CCDC85A: variants seen among roughly 807,000 people sequenced by gnomAD.
CCDC85A encodes the protein coiled-coil domain-containing protein 85A.
In CCDC85A, 38 loss-of-function variants were observed where a neutral mutation model predicts 50.2. That is an observed-to-expected ratio of 0.76 (90% CI 0.58 to 0.99). CCDC85A has a LOEUF of 0.99. Ranked by LOEUF, CCDC85A falls within the 50% of genes least tolerant of loss-of-function variation. The pLI is 0.00. For synonymous variants in CCDC85A, 366 were observed against 301.4 expected, an observed-to-expected ratio of 1.21 and a Z score of -2.22; for missense variants, 820 against 742.0, an observed-to-expected ratio of 1.11 and a Z score of -1.22.
chr2:56,383,523 T>A (rs1676690028), intron 5 of CCDC85A: 1 of 921,722 alleles, frequency 1.1e-6, no homozygotes, highest in Non-Finnish European at 1.3e-6. Context: ...TCCCTCTATG[T>A]GGCCCAGCTT....
chr2:56,255,911 A>G (rs1433780138), intron 2 of CCDC85A, among the ~76,000 whole-genome samples: 1 of 152,172 alleles, frequency 6.6e-6, no homozygotes, highest in Non-Finnish European at 1.5e-5. Flanking sequence ...GGTAACAAGG[A>G]GTCACATTTC....
intron 2 of CCDC85A, among the ~76,000 whole-genome samples, chr2:56,229,354 T>G (rs1365581785): frequency 6.6e-6 from 1 of 152,206 alleles, no homozygotes; most frequent in Non-Finnish European, 1.5e-5. Flanking sequence ...TTTTTGGACA[T>G]GTGTGATGTT....
intron 3 of CCDC85A, among the ~76,000 whole-genome samples, chr2:56,367,648 A>C (rs1306985961): frequency 1.3e-5 from 2 of 152,200 alleles, no homozygotes; most frequent in Non-Finnish European, 2.9e-5. Context: ...AGTTTTGACA[A>C]GTAAAAATGT....
At chr2:56,352,494 C>G (rs1013008566) in intron 3 of CCDC85A, among the ~76,000 whole-genome samples, 1 of 152,010 alleles carries the variant, frequency 6.6e-6, no homozygotes, top group African/African-American at 2.4e-5. Flanking sequence ...TACAGGCACG[C>G]GCCACCACGC....
intron 2 of CCDC85A, among the ~76,000 whole-genome samples, chr2:56,199,821 A>T (rs536822210): frequency 6.6e-6 from 1 of 152,346 alleles, no homozygotes; most frequent in Admixed American, 6.5e-5. Context: ...TTCAGTGCAT[A>T]GTCCATATGC....
chr2:56,365,659 A>G (rs760097853), intron 3 of CCDC85A, among the ~76,000 whole-genome samples: 41 of 152,316 alleles, frequency 2.7e-4, no homozygotes, highest in Middle Eastern at 3.4e-3. Flanking sequence ...ATAAAATTAC[A>G]TCTTTACTGT....
At chr2:56,370,197 C>A (rs1676002819) in intron 3 of CCDC85A, among the ~76,000 whole-genome samples, 1 of 152,102 alleles carries the variant, frequency 6.6e-6, no homozygotes, top group Admixed American at 6.5e-5. Context: ...CCATTTTGAG[C>A]CCCCAAGTTG....
At chr2:56,251,962 C>G (rs147112823) in intron 2 of CCDC85A, among the ~76,000 whole-genome samples, 2 of 150,498 alleles carry the variant, frequency 1.3e-5, no homozygotes, top group Non-Finnish European at 3.0e-5. Flanking sequence ...GCAGGTTTGT[C>G]GGATAGTCTG....
Position 56,283,216 on chromosome 2 carries a change from C to G in CCDC85A, c.1241-59663C>G, listed in dbSNP as rs144055673. Among the ~76,000 whole-genome samples the G allele has an allele frequency of 5.0e-3, 757 of 152,284 alleles. 7 individuals are homozygous for G. The highest frequency in any genetic ancestry group is 0.017 in the African/African-American group (707 of 41,568). ...AGAAGTACTCTACTCATCTACTGATCTTAGAGGAAAAGCATTCAGTATTTC... is the reference window on the plus strand; with the variant it reads ...AGAAGTACTCTACTCATCTACTGATGTTAGAGGAAAAGCATTCAGTATTTC... On this transcript the variant is annotated intron_variant, in intron 2 of 5. Coordinates refer to ENST00000407595, the MANE Select transcript of CCDC85A (RefSeq NM_001080433.2).
chr2:56,282,498 G>T (rs981984896), intron 2 of CCDC85A, among the ~76,000 whole-genome samples: 9 of 152,068 alleles, frequency 5.9e-5, no homozygotes, highest in Admixed American at 1.3e-4. Flanking sequence ...TCTTCTCATT[G>T]ACTTTTCATT....
chr2:56,311,630 A>T (rs1672696573), intron 2 of CCDC85A, among the ~76,000 whole-genome samples: 2 of 152,216 alleles, frequency 1.3e-5, no homozygotes, highest in Admixed American at 1.3e-4. Flanking sequence ...GTGGAGAGAA[A>T]GTAACTAACA....
chr2:56,365,529 T>C (rs567343363), intron 3 of CCDC85A, among the ~76,000 whole-genome samples: 3 of 152,240 alleles, frequency 2.0e-5, no homozygotes, highest in Non-Finnish European at 2.9e-5. Flanking sequence ...AATGAGTGCA[T>C]AGACTAGAAG....
At chr2:56,373,549 C>T (rs924328510) in intron 4 of CCDC85A, among the ~76,000 whole-genome samples, 2 of 152,084 alleles carry the variant, frequency 1.3e-5, no homozygotes, top group African/African-American at 4.8e-5. Flanking sequence ...CATGCCCAAG[C>T]AAAAGGATGG....
At position 56,266,561 on chromosome 2, in the gene CCDC85A, T is replaced by A. The variant is rs116640342; in HGVS notation, c.1240+73121T>A. Among the ~76,000 whole-genome samples the A allele has an allele frequency of 4.2e-3, 583 of 139,474 alleles. 5 individuals are homozygous for A. Among genetic ancestry groups the A allele is most frequent in the African/African-American group, 0.01 (388 of 38,628 alleles). 91.5% of individuals were successfully genotyped at this position (139,474 alleles called of 152,430 possible). ...TATGCCCAATAAATATATATAATTG[T>A]CAATTAACAATAACGCGCCCCCCCC... On this transcript the variant is annotated intron_variant, in intron 2 of 5. Transcript: ENST00000407595.
intron 2 of CCDC85A, among the ~76,000 whole-genome samples, chr2:56,231,899 A>G (rs1668789266): frequency 6.6e-6 from 1 of 151,998 alleles, no homozygotes; most frequent in South Asian, 2.1e-4. Context: ...CAACTCTCCT[A>G]TTCAACCACC....
intron 2 of CCDC85A, among the ~76,000 whole-genome samples, chr2:56,324,402 C>T (rs1272559938): frequency 6.6e-6 from 1 of 151,804 alleles, no homozygotes; most frequent in Non-Finnish European, 1.5e-5. Context: ...GCTATGTACT[C>T]CCTGAGGAGA....
chr2:56,296,014 G>A (rs1264159985), intron 2 of CCDC85A, among the ~76,000 whole-genome samples: 4 of 152,196 alleles, frequency 2.6e-5, no homozygotes, highest in African/African-American at 7.2e-5. Context: ...AAGGAGGCAG[G>A]CAGCCCTGAA....
At chr2:56,368,003 A>T (rs1004223331) in intron 3 of CCDC85A, among the ~76,000 whole-genome samples, 3 of 103,220 alleles carry the variant, frequency 2.9e-5, no homozygotes, top group Non-Finnish European at 4.7e-5. Flanking sequence ...CAGATCAAGA[A>T]TTTAAACTCC....
At chr2:56,288,162 A>C (rs1392080721) in intron 2 of CCDC85A, among the ~76,000 whole-genome samples, 1 of 152,194 alleles carries the variant, frequency 6.6e-6, no homozygotes, top group Non-Finnish European at 1.5e-5. Flanking sequence ...GAGTAGACAG[A>C]GGTCTTCAGA....
Sources: gnomAD v4.1 joint callset for allele counts (sites outside exome capture counted in the v4.1 genomes callset) on GRCh38, gnomAD v4.1.1 for gene constraint, MANE v1.5 for transcripts, NCBI Gene and HGNC (gene_info 2026-07-23, HGNC 2026-07-21) for gene names.